Variants in SCRN1 observed in about 807,000 individuals in gnomAD.
The protein encoded by SCRN1 is secernin-1.
SCRN1 carries 19 observed loss-of-function variants against 43.3 expected under a neutral mutation model. The ratio of observed to expected loss-of-function variants is 0.44; its 90% CI spans 0.31 to 0.64. The LOEUF is 0.64. Ranked by LOEUF, SCRN1 falls within the 30% of genes least tolerant of loss-of-function variation. SCRN1 has a pLI of 0.09. For synonymous variants in SCRN1, 183 were observed against 188.9 expected (o/e 0.97, Z 0.26); for missense variants, 447 against 524.1 (o/e 0.85, Z 1.44).
intron 1 of SCRN1, among the ~76,000 whole-genome samples, chr7:29,988,169 G>C (rs1046492430): frequency 2.0e-5 from 3 of 151,776 alleles, no homozygotes; most frequent in Non-Finnish European, 2.9e-5. Flanking sequence ...CCTGGTATTT[G>C]TTATGTGCAC....
At position 29,923,637 on chromosome 7, in the gene SCRN1, A is replaced by T; in HGVS notation, c.*320T>A. The T allele has an allele frequency of 5.0e-6, 1 of 199,878 alleles. No individual in the cohort carries two copies. The highest frequency in any genetic ancestry group is 1.3e-4 in the East Asian group (1 of 7,784). 12.4% of individuals were successfully genotyped at this position (199,878 alleles called of 1,614,324 possible). A position where few individuals can be genotyped will look rare whatever the true frequency, so the allele number is the denominator to read the frequency against. ...GAAGCCTGCCTTTCAAGGCTTGATG[A>T]ACTCTAGTCCTCTTGTAAAAGGCTA... On this transcript the variant is annotated 3_prime_UTR_variant, in exon 8 of 8. Coordinates refer to ENST00000242059, the MANE Select transcript of SCRN1 (RefSeq NM_014766.5).
At chr7:29,932,760 T>C (rs1327028166) in intron 6 of SCRN1, among the ~76,000 whole-genome samples, 2 of 150,788 alleles carry the variant, frequency 1.3e-5, no homozygotes, top group African/African-American at 4.9e-5. Flanking sequence ...GAGGGGAATG[T>C]CCCTGGCATC....
intron 5 of SCRN1, among the ~76,000 whole-genome samples, chr7:29,938,258 T>C (rs1302207910): frequency 6.6e-6 from 1 of 152,244 alleles, no homozygotes; most frequent in Non-Finnish European, 1.5e-5. Context: ...CTTGAACTCC[T>C]GGCCTCAAGT....
At chr7:29,980,585 A>G (rs534844604) in intron 1 of SCRN1, among the ~76,000 whole-genome samples, 1 of 152,324 alleles carries the variant, frequency 6.6e-6, no homozygotes, top group South Asian at 2.1e-4. Flanking sequence ...TTAACTCTCC[A>G]TCACTAAAAA....
At chr7:29,936,497 G>A in intron 6 of SCRN1, 59 bp downstream of exon 6, 2 of 1,422,490 alleles carry the variant, frequency 1.4e-6, no homozygotes, top group Middle Eastern at 1.9e-4. Flanking sequence ...CGCACTTGCT[G>A]AATGAGCTTT....
chr7:29,938,132 G>A (rs1583658160), intron 5 of SCRN1, among the ~76,000 whole-genome samples: 1 of 152,022 alleles, frequency 6.6e-6, no homozygotes, highest in East Asian at 1.9e-4. Flanking sequence ...AGATTCAAGT[G>A]ATTCGCCCAC....
intron 1 of SCRN1, among the ~76,000 whole-genome samples, chr7:29,976,137 C>T (rs761263600): frequency 2.0e-5 from 3 of 152,082 alleles, no homozygotes; most frequent in Admixed American, 6.6e-5. Context: ...GCTCTCAGTG[C>T]GAGCCACCAG....
intron 4 of SCRN1, among the ~76,000 whole-genome samples, chr7:29,941,587 T>C (rs1787560035): frequency 6.6e-6 from 1 of 152,138 alleles, no homozygotes; most frequent in African/African-American, 2.4e-5. Context: ...TGTGCATGCG[T>C]GTGTGTATGT....
chr7:29,973,988 A>T (rs1382248058), intron 1 of SCRN1, among the ~76,000 whole-genome samples: 1 of 152,210 alleles, frequency 6.6e-6, no homozygotes, highest in Non-Finnish European at 1.5e-5. Context: ...AAATGATTTG[A>T]GGGGCAAGAT....
At chr7:29,957,260 A>C (rs1355138489) in intron 2 of SCRN1, among the ~76,000 whole-genome samples, 1 of 152,270 alleles carries the variant, frequency 6.6e-6, no homozygotes, top group East Asian at 1.9e-4. Flanking sequence ...GAGGAGGCCC[A>C]GGCCCTGTCC....
chr7:29,964,591 A>G (rs1788428653), intron 2 of SCRN1, among the ~76,000 whole-genome samples: 1 of 152,174 alleles, frequency 6.6e-6, no homozygotes, highest in African/African-American at 2.4e-5. Context: ...GTCATTATAC[A>G]TATAGGTATA....
At chr7:29,961,058 CTTTT>C (rs200892857) in intron 2 of SCRN1, among the ~76,000 whole-genome samples, 13 of 131,610 alleles carry the variant, frequency 9.9e-5, no homozygotes, top group Admixed American at 7.6e-5. Flanking sequence ...GATCTTATTT[CTTTT>C]TTTTTTTTTT....
rs1417013008 is a variant in SCRN1, at chr7:29,921,547, T to G, written c.*2410A>C. 1 of 152,256 alleles carries G rather than the reference T, an allele frequency of 6.6e-6. No homozygotes were observed. The highest frequency in any genetic ancestry group is 2.4e-5 in the African/African-American group (1 of 41,470). The allele number at this position is 152,256 out of a possible 1,614,324, so 9.4% of individuals were successfully genotyped here. A position where few individuals can be genotyped will look rare whatever the true frequency, so the allele number is the denominator to read the frequency against. ...CCAATGCACAACTGTCAACTGTGCT[T>G]ATAGACCACCTCCAGACCTGATGGG... On this transcript the variant is annotated 3_prime_UTR_variant, in exon 8 of 8. Coordinates refer to ENST00000242059, the MANE Select transcript of SCRN1 (RefSeq NM_014766.5).
At chr7:29,926,380 C>G in intron 7 of SCRN1, 72 bp downstream of exon 7, 1 of 1,522,846 alleles carries the variant, frequency 6.6e-7, no homozygotes, top group Non-Finnish European at 9.0e-7. Context: ...ACATCTGCTT[C>G]CCTGCCTCCT....
intron 1 of SCRN1, among the ~76,000 whole-genome samples, chr7:29,974,809 G>C (rs1387162597): frequency 6.6e-6 from 1 of 151,020 alleles, no homozygotes; most frequent in Non-Finnish European, 1.5e-5. Flanking sequence ...TCAGCCTCCT[G>C]AGTAGCTGGG....
intron 4 of SCRN1, among the ~76,000 whole-genome samples, chr7:29,942,067 G>T (rs966397825): frequency 1.3e-5 from 2 of 152,156 alleles, no homozygotes; most frequent in Non-Finnish European, 2.9e-5. Flanking sequence ...TTGGTCCTTT[G>T]TCATTTATCT....
At chr7:29,967,451 C>T (rs1788534650) in intron 2 of SCRN1, among the ~76,000 whole-genome samples, 1 of 147,798 alleles carries the variant, frequency 6.8e-6, no homozygotes, top group Non-Finnish European at 1.5e-5. Context: ...CTGGTCTCAA[C>T]TTCCTGGGCT....
At chr7:29,938,183 C>T (rs1215123873) in intron 5 of SCRN1, among the ~76,000 whole-genome samples, 1 of 152,176 alleles carries the variant, frequency 6.6e-6, no homozygotes, top group East Asian at 1.9e-4. Flanking sequence ...CATGCACCAC[C>T]ACGCCCAGTT....
intron 1 of SCRN1, among the ~76,000 whole-genome samples, chr7:29,987,838 C>T (rs927399165): frequency 3.9e-5 from 6 of 152,148 alleles, no homozygotes; most frequent in Non-Finnish European, 7.4e-5. Flanking sequence ...ATGATCTTGG[C>T]GTCCATTCGC....
Sources: gnomAD v4.1 joint callset for allele counts (sites outside exome capture counted in the v4.1 genomes callset) on GRCh38, gnomAD v4.1.1 for gene constraint, MANE v1.5 for transcripts, NCBI Gene and HGNC (gene_info 2026-07-23, HGNC 2026-07-21) for gene names.